Variants in CYLC2 observed in about 807,000 individuals in gnomAD.
The protein encoded by CYLC2 is cylicin 2, also known as cylicin-2.
Under a neutral mutation model 26.1 loss-of-function variants are expected in CYLC2, and 30 were observed. The ratio of observed to expected loss-of-function variants is 1.15; its 90% CI spans 0.86 to 1.56. The LOEUF is 1.56. Among genes scored for constraint, CYLC2 ranks in the 40% most tolerant of loss-of-function variants. The pLI, the probability that CYLC2 is intolerant of heterozygous loss-of-function variation, is 0.00. For missense variants in CYLC2, 498 were observed against 394.4 expected (o/e 1.26, Z -2.23); for synonymous variants, 158 against 132.8 (o/e 1.19, Z -1.31).
At chr9:102,997,697 G>T (rs943863175) in intron 1 of CYLC2, among the ~76,000 whole-genome samples, 1 of 151,788 alleles carries the variant, frequency 6.6e-6, no homozygotes, top group Non-Finnish European at 1.5e-5. Flanking sequence ...ATGTAACTTG[G>T]GAAGATATAT....
chr9:103,003,086 A>G, intron 2 of CYLC2, 56 bp from the exon 3 acceptor site: 1 of 1,596,958 alleles, frequency 6.3e-7, no homozygotes, highest in South Asian at 1.1e-5. Context: ...ATGCCATTTC[A>G]GCTCTGATGG....
intron 6 of CYLC2, among the ~76,000 whole-genome samples, chr9:103,015,796 T>C (rs1829498604): frequency 6.7e-6 from 1 of 150,276 alleles, no homozygotes. Context: ...TCTAAAATTC[T>C]AGTTTCATAT....
In CYLC2 at chr9:103,005,109, G is replaced by T; in HGVS notation, c.478G>T (p.Asp160Tyr). Residue 160 changes from aspartate to tyrosine, a missense_variant, in exon 5 of 8, where the codon GAT (aspartate) becomes TAT (tyrosine). Physicochemically the swap from Asp to Tyr is radical, Grantham distance 160 (BLOSUM62 -3). Transcript: ENST00000374798. Reference sequence around the variant, plus strand: ...AGAAGAAAAGCTAGATGCAAAGAAAGATAGCAAAAAAGGTAAAAAGGATGC... The same window carrying T: ...AGAAGAAAAGCTAGATGCAAAGAAATATAGCAAAAAAGGTAAAAAGGATGC... The part of the protein sequence containing the change: ...GKEEKLDAKK[D>Y]SKKGKKDAEK... 1 of 1,606,240 alleles carries T rather than the reference G, an allele frequency of 6.2e-7. No homozygotes were observed. Among genetic ancestry groups the T allele is most frequent in the Non-Finnish European group, 8.5e-7 (1 of 1,177,044 alleles).
chr9:102,995,398 G>GT lies in CYLC2; in HGVS notation c.17+2dup, dbSNP rs1431568860. 2 of 1,602,614 alleles carry GT rather than the reference G, an allele frequency of 1.2e-6. No individual in the cohort carries two copies. Among genetic ancestry groups the GT allele is most frequent in the Non-Finnish European group, 1.7e-6 (2 of 1,170,512 alleles). ...TGGGGAAAATGTCTCTCCCAAGATTGTAAGTCAAATTTTATGTTTTAAAAT... is the reference window on the plus strand; with the variant it reads ...TGGGGAAAATGTCTCTCCCAAGATTGTTAAGTCAAATTTTATGTTTTAAAAT... On this transcript the variant is annotated splice_donor_variant, in intron 1 of 7. Coordinates refer to ENST00000374798, the MANE Select transcript of CYLC2 (RefSeq NM_001340.5). LOFTEE classifies it high-confidence loss of function.
At position 103,003,104 on chromosome 9, in the gene CYLC2, T is replaced by C. The variant is rs193105947; in HGVS notation, c.59-38T>C. The C allele has an allele frequency of 2.5e-6, 4 of 1,608,998 alleles. No homozygotes were observed. The East Asian group carries it at 8.9e-5, about 36-fold the overall frequency. ...CCATTTCAGCTCTGATGGAATTCTA[T>C]TCACTCCAAAATGTGTTTTTTGTCT... On this transcript the variant is annotated intron_variant, in intron 2 of 7. Transcript: ENST00000374798.
At chr9:103,018,168 A>C (rs13289480) in intron 7 of CYLC2, among the ~76,000 whole-genome samples, 157 bp from the exon 8 acceptor site, 101,179 of 151,760 alleles carry the variant, frequency 0.67, 34,017 homozygotes, top group South Asian at 0.82. Context: ...TTTTTGGTAG[A>C]AACTCTAATT....
chr9:103,015,363 AT>A (rs1197286211), intron 6 of CYLC2, among the ~76,000 whole-genome samples: 1 of 113,404 alleles, frequency 8.8e-6, no homozygotes, highest in Non-Finnish European at 1.7e-5. Flanking sequence ...ATATAATCAT[AT>A]TATATAATGT....
intron 6 of CYLC2, among the ~76,000 whole-genome samples, chr9:103,012,996 A>C (rs1829424210): frequency 6.7e-6 from 1 of 149,348 alleles, no homozygotes; most frequent in African/African-American, 2.4e-5. Context: ...GTTGGCTGGA[A>C]AAAAAAGGAA....
chr9:103,001,557 C>T, intron 1 of CYLC2, 21 bp from the exon 2 acceptor site: 1 of 1,468,488 alleles, frequency 6.8e-7, no homozygotes. Flanking sequence ...TAACTAAAAC[C>T]TTTCTTTTTT....
intron 5 of CYLC2, among the ~76,000 whole-genome samples, chr9:103,006,720 GT>G (rs1829355763): frequency 6.6e-6 from 1 of 151,984 alleles, no homozygotes; most frequent in Non-Finnish European, 1.5e-5. Flanking sequence ...GGCCAGTTTT[GT>G]TTTATTTTAA....
intron 1 of CYLC2, among the ~76,000 whole-genome samples, chr9:102,997,111 G>C (rs1167111706): frequency 6.6e-6 from 1 of 151,778 alleles, no homozygotes; most frequent in African/African-American, 2.4e-5. Context: ...CTGGTCTAGG[G>C]ATTCACCTTG....
intron 6 of CYLC2, among the ~76,000 whole-genome samples, chr9:103,013,793 TTTATA>T (rs1564100768): frequency 9.6e-6 from 1 of 104,180 alleles, no homozygotes; most frequent in Non-Finnish European, 1.8e-5. Flanking sequence ...ATGATTATAT[TTTATA>T]TTATATATTA....
At chr9:103,011,517 CAT>C (rs963111053) in intron 5 of CYLC2, among the ~76,000 whole-genome samples, 9 of 151,944 alleles carry the variant, frequency 5.9e-5, no homozygotes, top group African/African-American at 1.9e-4. Flanking sequence ...GATAAAACCA[CAT>C]GAGTGACAAA....
chr9:103,014,464 G>GTATATTACA (rs1829466549), intron 6 of CYLC2, among the ~76,000 whole-genome samples: 3 of 128,410 alleles, frequency 2.3e-5, no homozygotes, highest in Non-Finnish European at 4.9e-5. Flanking sequence ...TGTATATTAC[G>GTATATTACA]TAATATACAT....
chr9:103,013,271 T>TATAA (rs1554713559), intron 6 of CYLC2, among the ~76,000 whole-genome samples: 1 of 101,444 alleles, frequency 9.9e-6, no homozygotes, highest in Non-Finnish European at 1.8e-5. Context: ...GTTATATATA[T>TATAA]TATATATAAC....
chr9:103,005,459 G>A lies in CYLC2; in HGVS notation c.828G>A (p.Lys276=). ...AAAAAGGTAAGAAAGATAAGAAGAA[G>A]CCCAGTAGTACAGACAGTGACTCAA... ...EIKKGKKDKK[K]PSSTDSDSKD... is the part of the protein sequence containing the mutation. The change falls in exon 5 of 8, where the codon AAG becomes AAA. Residue 276 remains lysine (K), a synonymous_variant. Coordinates refer to ENST00000374798, the MANE Select transcript of CYLC2 (RefSeq NM_001340.5). The A allele has an allele frequency of 6.2e-7, 1 of 1,613,302 alleles. No individual in the cohort carries two copies. Among genetic ancestry groups the A allele is most frequent in the Non-Finnish European group, 8.5e-7 (1 of 1,179,842 alleles).
intron 1 of CYLC2, among the ~76,000 whole-genome samples, chr9:103,001,291 A>T (rs1829285828): frequency 1.8e-4 from 2 of 11,030 alleles, no homozygotes; most frequent in Non-Finnish European, 3.5e-4. Context: ...TACACACACA[A>T]TACATATAAA....
intron 1 of CYLC2, among the ~76,000 whole-genome samples, chr9:102,996,199 A>G (rs1829235573): frequency 6.6e-6 from 1 of 151,928 alleles, no homozygotes; most frequent in African/African-American, 2.4e-5. Context: ...AACAATCATT[A>G]AAGTATAATT....
In CYLC2 at chr9:103,015,413, ATATAT is replaced by A. The variant is rs1409132995; in HGVS notation, c.*817-1470_*817-1466del. 5.6e-3 allele frequency among the ~76,000 whole-genome samples: 752 copies of A among 135,398 alleles called. 8 individuals are homozygous for A. The highest frequency in any genetic ancestry group is 0.019 in the African/African-American group (715 of 36,856). The allele number at this position is 135,398 out of a possible 152,430, so 88.8% of individuals were successfully genotyped here. ...TATATATATATGCTTATTATATATT[ATATAT>A]TATAATTATATACTTATATATCATT... is the stretch of plus-strand genomic sequence containing the variant. On this transcript the variant is annotated intron_variant, in intron 6 of 7. Coordinates refer to ENST00000374798, the MANE Select transcript of CYLC2 (RefSeq NM_001340.5).
Sources: allele counts gnomAD v4.1 joint callset (sites outside exome capture counted in the v4.1 genomes callset), GRCh38; gene constraint gnomAD v4.1.1; transcripts MANE v1.5; gene names NCBI Gene and HGNC (gene_info 2026-07-23, HGNC 2026-07-21).